The following NEBL variants were observed in gnomAD, a reference collection of about 807,000 sequenced individuals.
The protein encoded by NEBL is LIM and SH3 protein 2.
Under a neutral mutation model 140.2 loss-of-function variants are expected in NEBL, and 122 were observed. That is an observed-to-expected ratio of 0.87 (90% confidence interval 0.75 to 1.01). NEBL has a LOEUF of 1.01. Among genes scored for constraint, NEBL ranks in the 50% least tolerant of loss-of-function variants. The probability of loss-of-function intolerance (pLI) is 0.00; values close to 1 mark genes in which losing one functional copy is unlikely to be tolerated. For missense variants in NEBL, 1,365 were observed against 1,231.3 expected (o/e 1.11, Z -1.62); for synonymous variants, 436 against 398.9 (o/e 1.09, Z -1.11).
intron 3 of NEBL, among the ~76,000 whole-genome samples, chr10:21,230,997 T>A (rs962275968): frequency 6.6e-6 from 1 of 152,218 alleles, no homozygotes; most frequent in Admixed American, 6.5e-5. Context: ...AATTCTGCTT[T>A]ACTGTATGTC....
intron 1 of NEBL, among the ~76,000 whole-genome samples, chr10:21,275,133 C>A (rs928352368): frequency 6.6e-6 from 1 of 152,166 alleles, no homozygotes; most frequent in African/African-American, 2.4e-5. Flanking sequence ...GAGATGCCCA[C>A]CCCACCCTGC....
At chr10:21,125,356 A>G (rs946182005) in intron 2 of NEBL, among the ~76,000 whole-genome samples, 7 of 152,190 alleles carry the variant, frequency 4.6e-5, no homozygotes, top group African/African-American at 1.7e-4. Flanking sequence ...TAAGACTCCT[A>G]TGAAAGGGAT....
intron 3 of NEBL, among the ~76,000 whole-genome samples, chr10:21,240,682 A>C (rs754648706): frequency 8.5e-5 from 13 of 152,200 alleles, no homozygotes; most frequent in Non-Finnish European, 1.3e-4. Flanking sequence ...TATCGTTACA[A>C]GTTATTCTGG....
chr10:21,018,409 C>T (rs1051956624), intron 3 of NEBL, among the ~76,000 whole-genome samples: 1 of 152,184 alleles, frequency 6.6e-6, no homozygotes, highest in African/African-American at 2.4e-5. Context: ...TCTGGTACCC[C>T]TGGGGGTGTG....
Position 20,938,571 on chromosome 10 carries a change from G to A in NEBL, c.357+23101C>T, listed in dbSNP as rs112975180. Among the ~76,000 whole-genome samples the A allele has an allele frequency of 6.8e-3, 1,032 of 152,228 alleles. 28 individuals are homozygous for A. The highest frequency in any genetic ancestry group is 0.045 in the East Asian group (235 of 5,174). ...AGGAATGCAGCTCCTCACCAACAAC[G>A]GAACAAAGCTGGATGGAGAATGACT... On this transcript the variant is annotated intron_variant, in intron 4 of 6. Transcript: ENST00000417816.
chr10:21,091,044 GC>G (rs35293466), intron 2 of NEBL, among the ~76,000 whole-genome samples: 1 of 150,868 alleles, frequency 6.6e-6, no homozygotes, highest in Non-Finnish European at 1.5e-5. Flanking sequence ...TCTCCTCCAT[GC>G]CCCAAGGTCA....
intron 2 of NEBL, among the ~76,000 whole-genome samples, chr10:21,125,136 T>G (rs1838760084): frequency 6.6e-6 from 1 of 152,062 alleles, no homozygotes; most frequent in African/African-American, 2.4e-5. Flanking sequence ...CTGAAAGCAA[T>G]GCTAACATCT....
At chr10:21,122,002 G>GGTGGTT (rs148422933) in intron 2 of NEBL, among the ~76,000 whole-genome samples, 194 of 149,554 alleles carry the variant, frequency 1.3e-3, no homozygotes, top group African/African-American at 3.5e-3. Flanking sequence ...GATTTCTCCT[G>GGTGGTT]GTTGTTGTTG....
intron 2 of NEBL, among the ~76,000 whole-genome samples, chr10:21,090,651 C>T (rs1836870334): frequency 6.6e-6 from 1 of 152,198 alleles, no homozygotes; most frequent in African/African-American, 2.4e-5. Flanking sequence ...TTATCCAACT[C>T]ACTGACCTGT....
intron 2 of NEBL, among the ~76,000 whole-genome samples, chr10:21,088,937 C>A (rs605715): frequency 6.6e-6 from 1 of 151,966 alleles, no homozygotes; most frequent in Non-Finnish European, 1.5e-5. Flanking sequence ...TAATGAACCA[C>A]GCGAGGCAGG....
At chr10:20,984,839 C>A (rs947872593) in intron 3 of NEBL, among the ~76,000 whole-genome samples, 4 of 152,176 alleles carry the variant, frequency 2.6e-5, no homozygotes, top group African/African-American at 9.6e-5. Context: ...TTTACAGCCA[C>A]TCCCCACAGC....
rs575118142 is a variant in NEBL, at chr10:20,922,668, G to A, written c.357+39004C>T. ...CAATGTAGGATAACTTATAAATATA[G>A]GCAGAGTCAAGGAGGCCGTCCAGAA... On this transcript the variant is annotated intron_variant, in intron 4 of 6. Coordinates refer to the NEBL transcript ENST00000417816. 1.2e-3 allele frequency among the ~76,000 whole-genome samples: 181 copies of A among 152,316 alleles called. 1 individual carries two copies. Among genetic ancestry groups the A allele is most frequent in the African/African-American group, 4.1e-3 (169 of 41,558 alleles).
At chr10:21,240,346 T>A (rs888345211) in intron 3 of NEBL, among the ~76,000 whole-genome samples, 2 of 152,030 alleles carry the variant, frequency 1.3e-5, no homozygotes, top group African/African-American at 4.8e-5. Context: ...TTCATTTTTT[T>A]AAAAAGCCAT....
chr10:21,079,747 CTGT>C (rs1439441433), intron 2 of NEBL, among the ~76,000 whole-genome samples: 1 of 152,178 alleles, frequency 6.6e-6, no homozygotes, highest in Non-Finnish European at 1.5e-5. Context: ...ATGGCCAAGG[CTGT>C]TAATTTTCAA....
chr10:20,818,462 T>C (rs188792492), intron 20 of NEBL, among the ~76,000 whole-genome samples: 1 of 152,300 alleles, frequency 6.6e-6, no homozygotes, highest in East Asian at 1.9e-4. Flanking sequence ...GTTAACTATT[T>C]TTGCTTTATT....
chr10:21,120,758 T>A lies in NEBL; in HGVS notation c.164+51625A>T, dbSNP rs530002964. On this transcript the variant is annotated intron_variant, in intron 2 of 6. Coordinates refer to the NEBL transcript ENST00000417816. ...AGTGAAGAAGTTCCCTGTGGAGAACTAAGCCCTGCTGAGGAAGAACACACG... is the reference window on the plus strand; with the variant it reads ...AGTGAAGAAGTTCCCTGTGGAGAACAAAGCCCTGCTGAGGAAGAACACACG... Among the ~76,000 whole-genome samples, 8 of 143,844 alleles carry A rather than the reference T, an allele frequency of 5.6e-5. No homozygotes were observed. The South Asian group carries it at 1.9e-3, about 33-fold the overall frequency. 94.4% of individuals were successfully genotyped at this position (143,844 alleles called of 152,430 possible).
intron 13 of NEBL, 112 bp downstream of exon 13, chr10:20,840,627 A>C: frequency 1.3e-6 from 1 of 750,036 alleles, no homozygotes. Flanking sequence ...ATAGCTGTTT[A>C]CAATCACTTA....
chr10:20,933,867 T>C (rs1834332636), intron 4 of NEBL, among the ~76,000 whole-genome samples: 1 of 152,226 alleles, frequency 6.6e-6, no homozygotes, highest in Non-Finnish European at 1.5e-5. Context: ...GGACGGTTCT[T>C]ATCTTGGGGA....
intron 13 of NEBL, among the ~76,000 whole-genome samples, chr10:20,838,379 A>G (rs1404177457): frequency 2.0e-5 from 3 of 152,242 alleles, no homozygotes; most frequent in Non-Finnish European, 4.4e-5. Context: ...AACTAGAATT[A>G]GAAGTGGAAC....
Sources: allele counts gnomAD v4.1 joint callset (sites outside exome capture counted in the v4.1 genomes callset), GRCh38; gene constraint gnomAD v4.1.1; transcripts MANE v1.5; gene names NCBI Gene and HGNC (gene_info 2026-07-23, HGNC 2026-07-21).